Variants in PCDH11X observed in about 807,000 individuals in gnomAD.
PCDH11X encodes protocadherin-11 X-linked.
In PCDH11X, 18 loss-of-function variants were observed where a neutral mutation model predicts 53.3. The observed-to-expected ratio is 0.34, with a 90% CI of 0.23 to 0.50. The LOEUF is 0.50. Ranked by LOEUF, PCDH11X falls within the 20% of genes least tolerant of loss-of-function variation. PCDH11X has a pLI of 0.98. For synonymous variants in PCDH11X, 279 were observed against 393.3 expected, an observed-to-expected ratio of 0.71 and a Z score of 3.44; for missense variants, 570 against 1,032.4, an observed-to-expected ratio of 0.55 and a Z score of 6.14.
rs1293608641 is a variant in PCDH11X, at chrX:92,499,389, T to G, written c.3367+31067T>G. ...TTTTTGCCTAGATAAAGGTGGTGGA[T>G]TAAAAAAATAGGAAGACTAAAATAG... On this transcript the variant is annotated intron_variant, in intron 10 of 10. Coordinates refer to ENST00000682573, the MANE Select transcript of PCDH11X (RefSeq NM_032968.5). 3.0e-4 allele frequency among the ~76,000 whole-genome samples: 26 copies of G among 87,972 alleles called. No individual in the cohort carries two copies. The Admixed American group carries it at 3.6e-3, about 12-fold the overall frequency. The allele number at this position is 87,972 out of a possible 115,157, so 76.4% of individuals were successfully genotyped here. A position where few individuals can be genotyped will look rare whatever the true frequency, so the allele number is the denominator to read the frequency against.
chrX:92,547,323 C>T (rs762855147), intron 10 of PCDH11X, among the ~76,000 whole-genome samples: 3 of 101,792 alleles, frequency 2.9e-5, no homozygotes, highest in South Asian at 9.4e-4. Flanking sequence ...TAAAAGGAAA[C>T]GGTTATAAAA....
chrX:92,547,472 GA>G lies in PCDH11X; in HGVS notation c.3368-70783del, dbSNP rs764058130. On this transcript the variant is annotated intron_variant, in intron 10 of 10. Coordinates refer to ENST00000682573, the MANE Select transcript of PCDH11X (RefSeq NM_032968.5). ...AAGGGAAGATTAAATTGTAATCTTA[GA>G]AAAAAAAATGTGAATGAATGTCTCT... 1.5e-4 allele frequency among the ~76,000 whole-genome samples: 16 copies of G among 108,505 alleles called. 1 individual carries two copies. The South Asian group carries it at 4.4e-3, about 30-fold the overall frequency. 94.2% of individuals were successfully genotyped at this position (108,505 alleles called of 115,157 possible).
intron 8 of PCDH11X, among the ~76,000 whole-genome samples, chrX:92,293,271 C>A (rs1184248297): frequency 9.1e-6 from 1 of 110,256 alleles, no homozygotes; most frequent in Non-Finnish European, 1.9e-5. Context: ...AAATTAAAAG[C>A]AACACTGAAT....
At chrX:92,597,971 C>T (rs752202223) in intron 10 of PCDH11X, among the ~76,000 whole-genome samples, 5 of 111,574 alleles carry the variant, frequency 4.5e-5, no homozygotes, top group Admixed American at 1.9e-4. Flanking sequence ...ACTGGATATT[C>T]ACATGCTGAA....
intron 8 of PCDH11X, among the ~76,000 whole-genome samples, chrX:92,383,431 C>T (rs2070933440): frequency 9.1e-6 from 1 of 109,335 alleles, no homozygotes; most frequent in Admixed American, 9.9e-5. Context: ...ATCCATCAAC[C>T]CATCATCTAC....
chrX:92,380,518 G>A (rs1408112405), intron 8 of PCDH11X, among the ~76,000 whole-genome samples: 6 of 112,085 alleles, frequency 5.4e-5, no homozygotes, highest in Non-Finnish European at 1.1e-4. Flanking sequence ...AATTAACTAG[G>A]TGATTTCTAC....
chrX:92,500,204 A>G (rs921660001), intron 10 of PCDH11X, among the ~76,000 whole-genome samples: 1 of 111,804 alleles, frequency 8.9e-6, no homozygotes, highest in Middle Eastern at 4.2e-3. Flanking sequence ...GACTATTAAA[A>G]CAATTTATCT....
At chrX:92,147,987 T>C (rs2065324310) in intron 6 of PCDH11X, among the ~76,000 whole-genome samples, 1 of 84,374 alleles carries the variant, frequency 1.2e-5, no homozygotes, top group African/African-American at 5.8e-5. Flanking sequence ...CTTCCTTCCT[T>C]TCTTTCTTTC....
chrX:92,530,281 AGCT>A (rs1252243468), intron 10 of PCDH11X, among the ~76,000 whole-genome samples: 1 of 103,495 alleles, frequency 9.7e-6, no homozygotes. Flanking sequence ...TTTTGCAAAC[AGCT>A]GGATTCCCTT....
chrX:92,311,509 G>A (rs1249278263), intron 8 of PCDH11X, among the ~76,000 whole-genome samples: 1 of 111,577 alleles, frequency 9.0e-6, no homozygotes, highest in African/African-American at 3.3e-5. Flanking sequence ...GATTGACATT[G>A]TTCAGTTAAA....
At chrX:92,519,494 TA>T (rs765640153) in intron 10 of PCDH11X, among the ~76,000 whole-genome samples, 3 of 106,540 alleles carry the variant, frequency 2.8e-5, no homozygotes, top group Non-Finnish European at 5.8e-5. Flanking sequence ...TTGCTCAAGA[TA>T]AAAATATATC....
chrX:92,034,690 T>C (rs1487400368), intron 6 of PCDH11X, among the ~76,000 whole-genome samples: 1 of 110,467 alleles, frequency 9.1e-6, no homozygotes, highest in East Asian at 2.9e-4. Flanking sequence ...GCTTTTTTTA[T>C]CCATTCAGCT....
At chrX:92,589,888 G>A (rs1343142064) in intron 10 of PCDH11X, among the ~76,000 whole-genome samples, 2 of 111,827 alleles carry the variant, frequency 1.8e-5, no homozygotes, top group Non-Finnish European at 3.8e-5. Flanking sequence ...GCTGAGGAGA[G>A]GAGCCGAGTC....
chrX:91,868,691 A>C (rs1047721876), intron 5 of PCDH11X, among the ~76,000 whole-genome samples: 2 of 111,739 alleles, frequency 1.8e-5, no homozygotes, highest in African/African-American at 3.2e-5. Context: ...TATTTTCCTG[A>C]TATTAATAAG....
intron 8 of PCDH11X, among the ~76,000 whole-genome samples, chrX:92,334,808 A>C (rs897582480): frequency 3.6e-5 from 4 of 111,289 alleles, no homozygotes; most frequent in African/African-American, 1.3e-4. Context: ...TTTCTTAATA[A>C]GGTTTTCTTT....
intron 9 of PCDH11X, among the ~76,000 whole-genome samples, chrX:92,464,309 G>A (rs1293824305): frequency 9.0e-6 from 1 of 111,005 alleles, no homozygotes. Flanking sequence ...ATCCCCACAT[G>A]TCACAGGAGG....
intron 9 of PCDH11X, among the ~76,000 whole-genome samples, chrX:92,453,740 G>C (rs982624993): frequency 1.8e-5 from 2 of 110,954 alleles, no homozygotes; most frequent in African/African-American, 6.5e-5. Context: ...TTGAAATAGC[G>C]TTTAAAATAC....
At chrX:92,033,064 C>T (rs2063076128) in intron 6 of PCDH11X, among the ~76,000 whole-genome samples, 1 of 107,919 alleles carries the variant, frequency 9.3e-6, no homozygotes, top group African/African-American at 3.4e-5. Flanking sequence ...ACCTCAGCCT[C>T]CCAAAGTACT....
chrX:91,901,742 A>G (rs1161305526), intron 6 of PCDH11X, among the ~76,000 whole-genome samples: 1 of 112,087 alleles, frequency 8.9e-6, no homozygotes, highest in African/African-American at 3.2e-5. Flanking sequence ...TAGGTATCCC[A>G]AGATAAAACG....
Sources: allele counts gnomAD v4.1 joint callset (sites outside exome capture counted in the v4.1 genomes callset), GRCh38; gene constraint gnomAD v4.1.1; transcripts MANE v1.5; gene names NCBI Gene and HGNC (gene_info 2026-07-23, HGNC 2026-07-21).